The following FGF12 variants were observed in gnomAD, a reference collection of about 807,000 sequenced individuals.
FGF12 encodes the protein fibroblast growth factor 12.
FGF12 carries 14 observed loss-of-function variants against 23.6 expected under a neutral mutation model. That is an observed-to-expected ratio of 0.59 (90% CI 0.39 to 0.93). The LOEUF is 0.93. Ranked by LOEUF, FGF12 falls within the 40% of genes least tolerant of loss-of-function variation. The pLI is 0.00. For synonymous variants in FGF12, 62 were observed against 77.3 expected (o/e 0.80, Z 1.04); for missense variants, 175 against 217.8 (o/e 0.80, Z 1.24).
At position 192,380,944 on chromosome 3, in the gene FGF12, A is replaced by G. The variant is rs143528661; in HGVS notation, c.14-20406T>C. Among the ~76,000 whole-genome samples, 6 of 149,586 alleles carry G rather than the reference A, an allele frequency of 4.0e-5. No homozygotes were observed. In the East Asian group the frequency reaches 1.2e-3, roughly 29 times the overall value. The stretch of plus-strand genomic sequence containing the variant: ...AGTATATATTTATATACAGTATTCT[A>G]TTTATATATAGTATATATTTAATGA... On this transcript the variant is annotated intron_variant, in intron 2 of 5. Transcript: ENST00000445105.
intron 2 of FGF12, among the ~76,000 whole-genome samples, chr3:192,456,510 T>C (rs1722685822): frequency 6.6e-6 from 1 of 152,236 alleles, no homozygotes; most frequent in South Asian, 2.1e-4. Flanking sequence ...AATTGATGAA[T>C]ACATTTTTAA....
intron 4 of FGF12, among the ~76,000 whole-genome samples, chr3:192,297,486 G>T (rs1327621920): frequency 6.6e-6 from 1 of 152,132 alleles, no homozygotes; most frequent in Admixed American, 6.6e-5. Flanking sequence ...ACTCCCAGAG[G>T]CACTGTTCTA....
intron 3 of FGF12, among the ~76,000 whole-genome samples, chr3:192,350,674 G>A (rs1718179240): frequency 6.6e-6 from 1 of 152,114 alleles, no homozygotes; most frequent in Admixed American, 6.5e-5. Flanking sequence ...TGTGTTTGAG[G>A]AACAGCAAGA....
intron 5 of FGF12, among the ~76,000 whole-genome samples, chr3:192,155,019 C>T (rs111260476): frequency 0.16 from 22,338 of 141,704 alleles, 1,662 homozygotes; most frequent in Admixed American, 0.19. Context: ...TCTCGTGGTG[C>T]GCCGTTTTTT....
chr3:192,614,123 A>G (rs373129524), intron 2 of FGF12, among the ~76,000 whole-genome samples: 9 of 152,062 alleles, frequency 5.9e-5, no homozygotes, highest in South Asian at 2.1e-4. Flanking sequence ...CGTGTGTTCA[A>G]TGTAGCACTC....
chr3:192,711,678 G>A (rs149520713), intron 2 of FGF12, among the ~76,000 whole-genome samples: 22 of 152,192 alleles, frequency 1.4e-4, no homozygotes, highest in East Asian at 7.7e-4. Flanking sequence ...AACATGTACC[G>A]TGTCCACTCA....
chr3:192,659,617 G>A (rs1716577079), intron 2 of FGF12, among the ~76,000 whole-genome samples: 1 of 152,118 alleles, frequency 6.6e-6, no homozygotes, highest in South Asian at 2.1e-4. Context: ...AGCATTAGTG[G>A]ATTACCCTTA....
chr3:192,212,789 G>C (rs1363027665), intron 4 of FGF12, among the ~76,000 whole-genome samples: 1 of 150,026 alleles, frequency 6.7e-6, no homozygotes, highest in Non-Finnish European at 1.5e-5. Context: ...ACAAAAATGG[G>C]GGGGGGGTTA....
chr3:192,210,070 T>C (rs1412011586), intron 4 of FGF12, among the ~76,000 whole-genome samples: 1 of 152,148 alleles, frequency 6.6e-6, no homozygotes, highest in East Asian at 1.9e-4. Context: ...AATTATACCA[T>C]ATATGAAACA....
intron 2 of FGF12, among the ~76,000 whole-genome samples, chr3:192,554,455 G>T (rs1711671407): frequency 6.6e-6 from 1 of 152,300 alleles, no homozygotes; most frequent in African/African-American, 2.4e-5. Flanking sequence ...CTTAAAAAAA[G>T]AAACTGGCAA....
In FGF12 at chr3:192,462,949, A is replaced by G. The variant is rs73889345; in HGVS notation, c.14-102411T>C. Among the ~76,000 whole-genome samples, 805 of 152,326 alleles carry G rather than the reference A, an allele frequency of 5.3e-3. 9 individuals carry two copies. Among genetic ancestry groups the G allele is most frequent in the African/African-American group, 0.019 (769 of 41,562 alleles). On this transcript the variant is annotated intron_variant, in intron 2 of 5. Coordinates refer to ENST00000445105, the MANE Select transcript of FGF12 (RefSeq NM_004113.6). The stretch of plus-strand genomic sequence containing the variant: ...TTCAGGGATATTAAAAATATGATGT[A>G]CGAAGAGTTTGTGGGGATATGAAAC...
intron 2 of FGF12, among the ~76,000 whole-genome samples, chr3:192,559,474 C>T (rs917462681): frequency 2.0e-5 from 3 of 151,630 alleles, no homozygotes; most frequent in Non-Finnish European, 3.0e-5. Context: ...CAATTCTGTG[C>T]GATGCTATGA....
At chr3:192,534,427 A>T (rs1725177799) in intron 2 of FGF12, among the ~76,000 whole-genome samples, 1 of 151,984 alleles carries the variant, frequency 6.6e-6, no homozygotes, top group Non-Finnish European at 1.5e-5. Context: ...ATGGAGTCTC[A>T]CTCTGTTGCC....
intron 3 of FGF12, among the ~76,000 whole-genome samples, chr3:192,339,268 A>G (rs1416483301): frequency 6.6e-6 from 1 of 152,188 alleles, no homozygotes; most frequent in Non-Finnish European, 1.5e-5. Flanking sequence ...TTATCTTCAG[A>G]GTAGCATACT....
chr3:192,433,032 G>A (rs1721912093), intron 2 of FGF12, among the ~76,000 whole-genome samples: 3 of 152,042 alleles, frequency 2.0e-5, no homozygotes, highest in Admixed American at 2.0e-4. Flanking sequence ...TCAAACGTGA[G>A]AATCCAGCTG....
intron 2 of FGF12, among the ~76,000 whole-genome samples, chr3:192,637,087 T>C (rs1178595929): frequency 1.3e-5 from 2 of 152,210 alleles, no homozygotes; most frequent in Non-Finnish European, 2.9e-5. Flanking sequence ...ATGTTTCCTT[T>C]ATTCTTCCTT....
intron 2 of FGF12, among the ~76,000 whole-genome samples, chr3:192,660,507 T>TTA (rs1553844864): frequency 7.4e-5 from 9 of 121,462 alleles, no homozygotes; most frequent in African/African-American, 1.8e-4. Flanking sequence ...ACTTAAAGTA[T>TTA]AAAAAAAAAA....
chr3:192,257,951 C>T (rs544464983), intron 4 of FGF12, among the ~76,000 whole-genome samples: 1 of 151,388 alleles, frequency 6.6e-6, no homozygotes, highest in Admixed American at 6.6e-5. Flanking sequence ...TCTTAAATTC[C>T]AATCCTTACG....
intron 2 of FGF12, among the ~76,000 whole-genome samples, chr3:192,382,377 C>T (rs1228109859): frequency 6.6e-6 from 1 of 152,118 alleles, no homozygotes; most frequent in Non-Finnish European, 1.5e-5. Context: ...CACCCTGTAC[C>T]CATTTTGCCA....
Sources: allele counts gnomAD v4.1 joint callset (sites outside exome capture counted in the v4.1 genomes callset), GRCh38; gene constraint gnomAD v4.1.1; transcripts MANE v1.5; gene names NCBI Gene and HGNC (gene_info 2026-07-23, HGNC 2026-07-21).